The following RORA variants were observed in gnomAD, a reference collection of about 807,000 sequenced individuals.
RORA encodes RAR related orphan receptor A.
In RORA, 7 loss-of-function variants were observed where a neutral mutation model predicts 69.5. The ratio of observed to expected loss-of-function variants is 0.10; its 90% CI spans 0.06 to 0.19. The LOEUF (loss-of-function observed/expected upper bound fraction) is 0.19, where lower values mean the gene tolerates loss of function less well. Ranked by LOEUF, RORA falls within the 10% of genes least tolerant of loss-of-function variation. RORA has a pLI of 1.00. For missense variants in RORA, 457 were observed against 663.0 expected, an observed-to-expected ratio of 0.69 and a Z score of 3.41; for synonymous variants, 261 against 240.8, an observed-to-expected ratio of 1.08 and a Z score of -0.78.
Position 60,493,931 on chromosome 15 carries a change from ACAT to A in RORA, c.*3521_*3523del, listed in dbSNP as rs2065100647. 6.9e-6 allele frequency: 1 copy of A among 145,088 alleles called. No individual in the cohort carries two copies. Among genetic ancestry groups the A allele is most frequent in the African/African-American group, 2.6e-5 (1 of 38,970 alleles). The allele number at this position is 145,088 out of a possible 1,614,324, so 9.0% of individuals were successfully genotyped here. ...AGCCTAGAAGCGGTCCGACGCACAC[ACAT>A]CATACACATGCAAATCACACACACA... On this transcript the variant is annotated 3_prime_UTR_variant, in exon 11 of 11. Transcript: ENST00000335670.
chr15:60,613,094 T>A (rs1234558686), intron 2 of RORA, among the ~76,000 whole-genome samples: 1 of 152,084 alleles, frequency 6.6e-6, no homozygotes, highest in East Asian at 1.9e-4. Context: ...AAAACAAATG[T>A]GTTGCATAAG....
chr15:60,670,489 C>T (rs1313128203), intron 2 of RORA, among the ~76,000 whole-genome samples: 3 of 152,176 alleles, frequency 2.0e-5, no homozygotes, highest in Non-Finnish European at 4.4e-5. Context: ...GGATTACAAG[C>T]GTGAGCCACC....
intron 3 of RORA, among the ~76,000 whole-genome samples, chr15:60,518,889 G>A (rs900409603): frequency 3.9e-5 from 6 of 152,280 alleles, no homozygotes; most frequent in African/African-American, 1.2e-4. Context: ...CTCCTTAATC[G>A]TCGTTTTGCT....
At chr15:61,183,087 G>C (rs1377061394) in intron 1 of RORA, 1 of 152,282 alleles carries the variant, frequency 6.6e-6, no homozygotes, top group Admixed American at 6.5e-5. Flanking sequence ...AATAAGGTCT[G>C]TAGGTGGTGG....
At chr15:61,168,147 T>A (rs911917839) in intron 1 of RORA, among the ~76,000 whole-genome samples, 2 of 150,306 alleles carry the variant, frequency 1.3e-5, no homozygotes, top group African/African-American at 4.9e-5. Flanking sequence ...TATACACATA[T>A]ATACATACAT....
At chr15:60,912,450 A>G (rs980437834) in intron 1 of RORA, among the ~76,000 whole-genome samples, 1 of 151,276 alleles carries the variant, frequency 6.6e-6, no homozygotes, top group Non-Finnish European at 1.5e-5. Context: ...AAACAAAACA[A>G]AAAAACAAAA....
At chr15:60,769,178 G>A (rs8027302) in intron 1 of RORA, among the ~76,000 whole-genome samples, 1,789 of 152,188 alleles carry the variant, frequency 0.012, 39 homozygotes, top group African/African-American at 0.041. Context: ...TAAAGCAAAG[G>A]CAAATGAACT....
intron 2 of RORA, among the ~76,000 whole-genome samples, chr15:60,576,211 T>C (rs946322101): frequency 2.0e-5 from 3 of 152,262 alleles, no homozygotes; most frequent in African/African-American, 7.2e-5. Flanking sequence ...CTTCAGCCTA[T>C]CCCTTTAACT....
Position 60,648,313 on chromosome 15 carries a change from G to C in RORA, c.196+30344C>G, listed in dbSNP as rs531762712. ...TATTCTAATTATATCAATATTGGAT[G>C]CATTGTTAGTACCATTTCTCAACTT... On this transcript the variant is annotated intron_variant, in intron 2 of 10. Transcript: ENST00000335670. Among the ~76,000 whole-genome samples the C allele has an allele frequency of 4.6e-5, 7 of 152,328 alleles. No homozygotes were observed. In the South Asian group the frequency reaches 1.4e-3, roughly 32 times the overall value.
intron 1 of RORA, among the ~76,000 whole-genome samples, chr15:60,902,151 A>G (rs2414686): frequency 0.63 from 95,953 of 152,054 alleles, 30,719 homozygotes; most frequent in African/African-American, 0.69. Context: ...TTTCTACTTC[A>G]ATTCCATTCT....
chr15:60,704,356 C>G (rs985436981), intron 1 of RORA, among the ~76,000 whole-genome samples: 4 of 152,218 alleles, frequency 2.6e-5, no homozygotes, highest in Admixed American at 6.5e-5. Flanking sequence ...ATCCTAAGAG[C>G]AAACACAACC....
chr15:60,601,683 TATATA>T (rs1490720080), intron 2 of RORA, among the ~76,000 whole-genome samples: 1 of 152,210 alleles, frequency 6.6e-6, no homozygotes, highest in Non-Finnish European at 1.5e-5. Flanking sequence ...TTTTGCAACA[TATATA>T]ATATAGCAGT....
rs1290866602 is a variant in RORA, at chr15:60,510,870, G to A, written c.820+356C>T. On this transcript the variant is annotated intron_variant, in intron 5 of 10. Coordinates refer to ENST00000335670, the MANE Select transcript of RORA (RefSeq NM_134261.3). ...GTGGGCCAAGTTCAGTTTGTGGACT[G>A]CCATTTTTTTTTTTGTCACCTTAGG... Among the ~76,000 whole-genome samples the A allele has an allele frequency of 2.7e-5, 4 of 150,012 alleles. No individual in the cohort carries two copies. In the East Asian group the frequency reaches 7.7e-4, roughly 29 times the overall value.
Position 61,065,976 on chromosome 15 carries a change from G to C in RORA, c.166+163077C>G, listed in dbSNP as rs562974564. Among the ~76,000 whole-genome samples, 44 of 152,304 alleles carry C rather than the reference G, an allele frequency of 2.9e-4. No individual in the cohort carries two copies. In the South Asian group the frequency reaches 4.3e-3, roughly 15 times the overall value. Reference sequence around the variant, plus strand: ...TGCAACTTGGGTGAAATATCTCAGTGGAAAGCCAACAACTGAATCCCATGC... The same window carrying C: ...TGCAACTTGGGTGAAATATCTCAGTCGAAAGCCAACAACTGAATCCCATGC... On this transcript the variant is annotated intron_variant, in intron 1 of 10. Transcript: ENST00000335670.
chr15:61,163,928 C>T (rs1322095147), intron 1 of RORA, among the ~76,000 whole-genome samples: 2 of 152,312 alleles, frequency 1.3e-5, no homozygotes, highest in South Asian at 2.1e-4. Context: ...CAAGGTAACA[C>T]AGCAAGTGAT....
At chr15:61,051,462 T>G (rs1423803896) in intron 1 of RORA, among the ~76,000 whole-genome samples, 1 of 152,198 alleles carries the variant, frequency 6.6e-6, no homozygotes, top group African/African-American at 2.4e-5. Context: ...GTTTGCGGCA[T>G]GCATAGCTTC....
chr15:60,916,154 C>T (rs1237019600), intron 1 of RORA, among the ~76,000 whole-genome samples: 1 of 152,208 alleles, frequency 6.6e-6, no homozygotes, highest in Non-Finnish European at 1.5e-5. Context: ...TTACACTTTT[C>T]CCAGGGCTGT....
At chr15:60,756,236 T>A (rs1416236578) in intron 1 of RORA, among the ~76,000 whole-genome samples, 1 of 152,264 alleles carries the variant, frequency 6.6e-6, no homozygotes, top group Non-Finnish European at 1.5e-5. Context: ...CACCTACCTG[T>A]GCTCATGACT....
intron 1 of RORA, among the ~76,000 whole-genome samples, chr15:61,094,515 C>T (rs1466772806): frequency 2.0e-5 from 3 of 152,264 alleles, no homozygotes; most frequent in East Asian, 1.9e-4. Context: ...ATAGAACACA[C>T]CATGGGAAAG....
Sources: allele counts gnomAD v4.1 joint callset (sites outside exome capture counted in the v4.1 genomes callset), GRCh38; gene constraint gnomAD v4.1.1; transcripts MANE v1.5; gene names NCBI Gene and HGNC (gene_info 2026-07-23, HGNC 2026-07-21).